Variants in TMEM170A observed in about 807,000 individuals in gnomAD.
The protein encoded by TMEM170A is transmembrane protein 170A, also known as transmembrane protein 170.
In TMEM170A, 18 loss-of-function variants were observed where a neutral mutation model predicts 12.8. The observed-to-expected ratio is 1.41, with a 90% CI of 0.97 to 2.09. TMEM170A has a LOEUF of 2.09. Ranked by LOEUF, TMEM170A falls within the 30% of genes most tolerant of loss-of-function variation. The probability of loss-of-function intolerance (pLI) is 0.00; values close to 1 mark genes in which losing one functional copy is unlikely to be tolerated. For missense variants in TMEM170A, 220 were observed against 179.9 expected, an observed-to-expected ratio of 1.22 and a Z score of -1.28; for synonymous variants, 107 against 76.2, an observed-to-expected ratio of 1.40 and a Z score of -2.11.
At chr16:75,453,327 G>C (rs758488485) in intron 1 of TMEM170A, among the ~76,000 whole-genome samples, 14 of 152,128 alleles carry the variant, frequency 9.2e-5, no homozygotes, top group Non-Finnish European at 1.8e-4. Flanking sequence ...CTAGCTACTC[G>C]AGAGGCTGAG....
At chr16:75,464,201 G>C in intron 1 of TMEM170A, 1 of 1,503,762 alleles carries the variant, frequency 6.6e-7, no homozygotes, top group Non-Finnish European at 8.8e-7. Context: ...CGCTCGGGTG[G>C]CGGCCGAGCG....
chr16:75,455,243 G>C (rs1436201266), intron 1 of TMEM170A, among the ~76,000 whole-genome samples: 1 of 151,472 alleles, frequency 6.6e-6, no homozygotes, highest in Admixed American at 6.6e-5. Context: ...TGTAGTCCCA[G>C]CTACTTGGGA....
At position 75,449,710 on chromosome 16, in the gene TMEM170A, G is replaced by C. The variant is rs35805689; in HGVS notation, c.304+1959C>G. Reference sequence around the variant, plus strand: ...AAAGGTTGGCTGCCTTGAACATTTAGTGATTTAAAATGCCCAGCTCCACTG... The same window carrying C: ...AAAGGTTGGCTGCCTTGAACATTTACTGATTTAAAATGCCCAGCTCCACTG... On this transcript the variant is annotated intron_variant, in intron 2 of 2. Coordinates refer to ENST00000561878, the MANE Select transcript of TMEM170A (RefSeq NM_145254.3). 9.6e-3 allele frequency among the ~76,000 whole-genome samples: 1,458 copies of C among 152,260 alleles called. 14 individuals are homozygous for C. Among genetic ancestry groups the C allele is most frequent in the Non-Finnish European group, 0.015 (1,054 of 68,024 alleles).
intron 1 of TMEM170A, 95 bp downstream of exon 1, chr16:75,464,373 C>A (rs2079960455): frequency 4.4e-6 from 6 of 1,378,756 alleles, no homozygotes; most frequent in Non-Finnish European, 4.7e-6. Flanking sequence ...CGCCAGCAGG[C>A]TGCGCACCCG....
chr16:75,447,823 G>A, intron 2 of TMEM170A, 135 bp from the exon 3 acceptor site: 2 of 1,090,012 alleles, frequency 1.8e-6, no homozygotes, highest in Non-Finnish European at 2.5e-6. Context: ...TTACAGAAAT[G>A]TTAGGTTTTC....
At chr16:75,462,577 A>T (rs1056339419) in intron 1 of TMEM170A, among the ~76,000 whole-genome samples, 3 of 152,238 alleles carry the variant, frequency 2.0e-5, no homozygotes, top group African/African-American at 4.8e-5. Flanking sequence ...CGTTCTGACC[A>T]AAAATGTTTA....
At chr16:75,458,875 A>C (rs1294902058) in intron 1 of TMEM170A, 1 of 152,150 alleles carries the variant, frequency 6.6e-6, no homozygotes, top group African/African-American at 2.4e-5. Context: ...CCTTGAGGAT[A>C]TATTTTTACA....
intron 1 of TMEM170A, among the ~76,000 whole-genome samples, chr16:75,455,122 C>A (rs1450860859): frequency 2.0e-5 from 3 of 152,134 alleles, no homozygotes; most frequent in African/African-American, 7.2e-5. Context: ...CTCTGGGAGG[C>A]TGAGGCAGGC....
Position 75,464,647 on chromosome 16 carries a change from G to C in TMEM170A, c.-47C>G, listed in dbSNP as rs758490418. On this transcript the variant is annotated 5_prime_UTR_variant, in exon 1 of 3. Transcript: ENST00000561878. ...GAAATGAGGGACGAGCGCCCGAAGT[G>C]CGGTAGCGGCCGGCGCCGACTCACC... The C allele has an allele frequency of 6.5e-7, 1 of 1,545,886 alleles. No homozygotes were observed. Among genetic ancestry groups the C allele is most frequent in the South Asian group, 1.2e-5 (1 of 84,534 alleles).
chr16:75,461,281 T>G lies in TMEM170A; in HGVS notation c.133+3187A>C, dbSNP rs2079902825. On this transcript the variant is annotated intron_variant, in intron 1 of 2. Transcript: ENST00000561878. ...GTTGGCCAGGCTAGTCTTGAACTCC[T>G]GACCTTAGATGATCCGCCCGCTTCG... Among the ~76,000 whole-genome samples the G allele has an allele frequency of 1.3e-5, 2 of 152,204 alleles. 1 individual carries two copies. Among genetic ancestry groups the G allele is most frequent in the South Asian group, 4.1e-4 (2 of 4,836 alleles).
chr16:75,449,762 T>C (rs1362860903), intron 2 of TMEM170A, among the ~76,000 whole-genome samples: 2 of 152,220 alleles, frequency 1.3e-5, no homozygotes, highest in Admixed American at 1.3e-4. Flanking sequence ...GTTACTAACA[T>C]CTGAAAGACA....
In TMEM170A at chr16:75,447,685, G is replaced by C; in HGVS notation, c.308C>G (p.Ala103Gly). Residue 103 changes from alanine to glycine, a missense_variant, in exon 3 of 3, where the codon GCA becomes GGA. By Grantham distance (60) the Ala-to-Gly change is moderately conservative. Transcript: ENST00000561878. Reference sequence around the variant, plus strand: ...TGCTCGGTAAACTCCAGCAATAGCTGCACCTGATTTAAAATGCAAGAATGT... The same window carrying C: ...TGCTCGGTAAACTCCAGCAATAGCTCCACCTGATTTAAAATGCAAGAATGT... ...GPITAGILTS[A>G]AIAGVYRAAG... 1.9e-6 allele frequency: 3 copies of C among 1,584,512 alleles called. No individual in the cohort carries two copies. The highest frequency in any genetic ancestry group is 2.6e-6 in the Non-Finnish European group (3 of 1,169,430).
In TMEM170A at chr16:75,451,603, G is replaced by A. The variant is rs767085642; in HGVS notation, c.304+66C>T. ...TCATCCTACTCAGATATGTTTTCTA[G>A]AATAGGTCCTGAAATTGACTAGTCA... On this transcript the variant is annotated intron_variant, in intron 2 of 2. Coordinates refer to ENST00000561878, the MANE Select transcript of TMEM170A (RefSeq NM_145254.3). The A allele has an allele frequency of 2.6e-6, 4 of 1,537,214 alleles. No homozygotes were observed. The Admixed American group carries it at 5.0e-5, about 19-fold the overall frequency.
chr16:75,461,298 C>T (rs2079903385), intron 1 of TMEM170A, among the ~76,000 whole-genome samples: 1 of 151,996 alleles, frequency 6.6e-6, no homozygotes, highest in Non-Finnish European at 1.5e-5. Flanking sequence ...AGATGATCCG[C>T]CCGCTTCGGC....
intron 2 of TMEM170A, among the ~76,000 whole-genome samples, chr16:75,449,275 C>T (rs933370594): frequency 3.3e-5 from 5 of 151,990 alleles, no homozygotes; most frequent in African/African-American, 1.2e-4. Context: ...GGACACAAGA[C>T]AGAAACAGAT....
chr16:75,450,640 C>T (rs184566176), intron 2 of TMEM170A, among the ~76,000 whole-genome samples: 14 of 149,456 alleles, frequency 9.4e-5, no homozygotes, highest in African/African-American at 2.7e-4. Context: ...GAGCACTAAT[C>T]GGGTACTTTT....
chr16:75,447,498 T>G lies in TMEM170A; in HGVS notation c.*60A>C. On this transcript the variant is annotated 3_prime_UTR_variant, in exon 3 of 3. Coordinates refer to ENST00000561878, the MANE Select transcript of TMEM170A (RefSeq NM_145254.3). ...ACTAAGAAAACACTACACTCCATAATGTATTCTTTTGGAGGATTCCATAAA... is the reference window on the plus strand; with the variant it reads ...ACTAAGAAAACACTACACTCCATAAGGTATTCTTTTGGAGGATTCCATAAA... 4 of 1,549,702 alleles carry G rather than the reference T, an allele frequency of 2.6e-6. No individual in the cohort carries two copies. Among genetic ancestry groups the G allele is most frequent in the Non-Finnish European group, 3.5e-6 (4 of 1,149,998 alleles).
At position 75,443,362 on chromosome 16, in the gene TMEM170A, G is replaced by C. The variant is rs2079532804; in HGVS notation, c.*4196C>G. 6.6e-6 allele frequency: 1 copy of C among 152,170 alleles called. No individual in the cohort carries two copies. The highest frequency in any genetic ancestry group is 2.4e-5 in the African/African-American group (1 of 41,448). 9.4% of individuals were successfully genotyped at this position (152,170 alleles called of 1,614,324 possible). ...TTGATCATTTTGACTGTAGCAGTTAGTGAAATAACATAATATAAAAAGTTA... is the reference window on the plus strand; with the variant it reads ...TTGATCATTTTGACTGTAGCAGTTACTGAAATAACATAATATAAAAAGTTA... On this transcript the variant is annotated 3_prime_UTR_variant, in exon 3 of 3. Transcript: ENST00000561878.
intron 2 of TMEM170A, among the ~76,000 whole-genome samples, chr16:75,450,831 T>G (rs1462175836): frequency 2.6e-5 from 4 of 152,096 alleles, no homozygotes; most frequent in South Asian, 2.1e-4. Context: ...GCTAAATTTT[T>G]TATTTTTATT....
Sources: allele counts gnomAD v4.1 joint callset (sites outside exome capture counted in the v4.1 genomes callset), GRCh38; gene constraint gnomAD v4.1.1; transcripts MANE v1.5; gene names NCBI Gene and HGNC (gene_info 2026-07-23, HGNC 2026-07-21).